The following TMEM144 variants were observed in gnomAD, a reference collection of about 807,000 sequenced individuals.
TMEM144 encodes the protein transmembrane protein 144.
Under a neutral mutation model 43.6 loss-of-function variants are expected in TMEM144, and 39 were observed. The observed-to-expected ratio is 0.90, with a 90% CI of 0.69 to 1.17. The LOEUF (loss-of-function observed/expected upper bound fraction) is 1.17, where lower values mean the gene tolerates loss of function less well. Among genes scored for constraint, TMEM144 ranks in the 50% most tolerant of loss-of-function variants. The pLI is 0.00. For synonymous variants in TMEM144, 154 were observed against 133.6 expected, an observed-to-expected ratio of 1.15 and a Z score of -1.06; for missense variants, 417 against 411.9, an observed-to-expected ratio of 1.01 and a Z score of -0.11.
At position 158,216,112 on chromosome 4, in the gene TMEM144, T is replaced by C. The variant is rs187072233; in HGVS notation, c.232+799T>C. ...ATTCCCACCAGGATTTACATTATTA[T>C]ACCTCACTTATACCTCAGTATGATT... On this transcript the variant is annotated intron_variant, in intron 4 of 12. Coordinates refer to ENST00000296529, the MANE Select transcript of TMEM144 (RefSeq NM_018342.5). Among the ~76,000 whole-genome samples, 613 of 152,346 alleles carry C rather than the reference T, an allele frequency of 4.0e-3. 5 individuals are homozygous for C. The highest frequency in any genetic ancestry group is 0.014 in the African/African-American group (579 of 41,576).
intron 8 of TMEM144, among the ~76,000 whole-genome samples, chr4:158,236,277 T>A (rs1375004703): frequency 9.4e-6 from 1 of 106,310 alleles, no homozygotes; most frequent in Non-Finnish European, 2.6e-5. Context: ...ATAATTTGAA[T>A]GAATGAAAGA....
chr4:158,228,134 G>A (rs1160291335), intron 6 of TMEM144, among the ~76,000 whole-genome samples: 2 of 152,190 alleles, frequency 1.3e-5, no homozygotes, highest in African/African-American at 4.8e-5. Context: ...TCCAAGTCAA[G>A]TCAAAAAGAA....
intron 12 of TMEM144, among the ~76,000 whole-genome samples, chr4:158,245,633 C>G (rs1735854312): frequency 6.6e-6 from 1 of 152,010 alleles, no homozygotes; most frequent in African/African-American, 2.4e-5. Context: ...CTAGCCCAAA[C>G]TGTCGATAGC....
chr4:158,244,657 G>A (rs147540731), intron 12 of TMEM144, among the ~76,000 whole-genome samples: 10 of 152,220 alleles, frequency 6.6e-5, no homozygotes, highest in South Asian at 2.1e-4. Context: ...GCAAAAGAGC[G>A]AGACTCCATC....
At chr4:158,213,118 A>G in intron 3 of TMEM144, 1 of 336,494 alleles carries the variant, frequency 3.0e-6, no homozygotes, top group Non-Finnish European at 5.4e-6. Context: ...CAATGTAAGC[A>G]TAACAGATTT....
chr4:158,244,238 A>G (rs2111147279), intron 11 of TMEM144, 58 bp from the exon 12 acceptor site: 2 of 1,260,676 alleles, frequency 1.6e-6, no homozygotes, highest in East Asian at 5.3e-5. Flanking sequence ...CTATATTTAT[A>G]TAGAATCTAG....
chr4:158,223,117 C>T (rs1344461553), intron 6 of TMEM144, among the ~76,000 whole-genome samples: 1 of 152,220 alleles, frequency 6.6e-6, no homozygotes, highest in Admixed American at 6.5e-5. Context: ...ATTCTTATGA[C>T]TAGCATTAGT....
Position 158,253,638 on chromosome 4 carries a change from C to A in TMEM144, c.*111C>A. The A allele has an allele frequency of 2.4e-6, 2 of 822,468 alleles. No individual in the cohort carries two copies. The highest frequency in any genetic ancestry group is 1.9e-6 in the Non-Finnish European group (1 of 516,880). The allele number at this position is 822,468 out of a possible 1,614,324, so 50.9% of individuals were successfully genotyped here. A position where few individuals can be genotyped will look rare whatever the true frequency, so the allele number is the denominator to read the frequency against. Reference sequence around the variant, plus strand: ...TTTTCATATAGCAAATGGATCTCAGCCACTGTTGGAGTGGGTAAATGATTT... The same window carrying A: ...TTTTCATATAGCAAATGGATCTCAGACACTGTTGGAGTGGGTAAATGATTT... On this transcript the variant is annotated 3_prime_UTR_variant, in exon 13 of 13. Coordinates refer to ENST00000296529, the MANE Select transcript of TMEM144 (RefSeq NM_018342.5).
chr4:158,230,732 TGAG>T (rs1735036986), intron 6 of TMEM144, among the ~76,000 whole-genome samples: 3 of 152,200 alleles, frequency 2.0e-5, no homozygotes. Context: ...TTAAATATCT[TGAG>T]GACCCTGAAG....
In TMEM144 at chr4:158,223,584, C is replaced by T. The variant is rs372074955; in HGVS notation, c.413+4194C>T. On this transcript the variant is annotated intron_variant, in intron 6 of 12. Coordinates refer to ENST00000296529, the MANE Select transcript of TMEM144 (RefSeq NM_018342.5). ...CCTTGCCCACCACCCTCCAACAGGC[C>T]GTGGTGTGTGTTGTTCCCCTCCCTG... 7.9e-4 allele frequency among the ~76,000 whole-genome samples: 120 copies of T among 152,254 alleles called. 1 individual carries two copies. The highest frequency in any genetic ancestry group is 2.6e-3 in the African/African-American group (109 of 41,532).
At chr4:158,221,509 C>T (rs898205035) in intron 6 of TMEM144, among the ~76,000 whole-genome samples, 4 of 152,156 alleles carry the variant, frequency 2.6e-5, no homozygotes, top group Non-Finnish European at 5.9e-5. Flanking sequence ...CACCAAGAAA[C>T]AATATTCAGA....
intron 12 of TMEM144, among the ~76,000 whole-genome samples, chr4:158,250,826 C>G (rs187794175): frequency 5.9e-5 from 9 of 152,160 alleles, no homozygotes; most frequent in African/African-American, 1.4e-4. Flanking sequence ...CCCACTCCCC[C>G]CAACAAGTCA....
intron 6 of TMEM144, among the ~76,000 whole-genome samples, chr4:158,222,449 A>C (rs183481579): frequency 6.6e-6 from 1 of 152,306 alleles, no homozygotes; most frequent in African/African-American, 2.4e-5. Flanking sequence ...CCTTTTCCTC[A>C]GCCTCCTTGG....
intron 6 of TMEM144, among the ~76,000 whole-genome samples, chr4:158,220,867 C>A (rs188544180): frequency 6.6e-6 from 1 of 152,282 alleles, no homozygotes; most frequent in East Asian, 1.9e-4. Flanking sequence ...AAGAACTCTT[C>A]CCGTAGTGCA....
chr4:158,248,123 T>TAAAAA (rs753919532), intron 12 of TMEM144, among the ~76,000 whole-genome samples: 9 of 99,628 alleles, frequency 9.0e-5, no homozygotes, highest in African/African-American at 2.9e-4. Context: ...AGCAAAGAAT[T>TAAAAA]AAAAAAAAAA....
chr4:158,251,620 C>T (rs1340588395), intron 12 of TMEM144, among the ~76,000 whole-genome samples: 1 of 152,222 alleles, frequency 6.6e-6, no homozygotes, highest in Non-Finnish European at 1.5e-5. Context: ...CCCTAGGTTT[C>T]ACCTAGGACC....
At position 158,248,900 on chromosome 4, in the gene TMEM144, ACT is replaced by A. The variant is rs1238575430; in HGVS notation, c.955-4541_955-4540del. On this transcript the variant is annotated intron_variant, in intron 12 of 12. Transcript: ENST00000296529. ...AGTTGGATGTTTTCATACTTCTGAT[ACT>A]CTTTTTTGTTTGTTTGTTTTTTGAG... 2.6e-5 allele frequency among the ~76,000 whole-genome samples: 4 copies of A among 152,044 alleles called. No homozygotes were observed. The East Asian group carries it at 5.8e-4, about 22-fold the overall frequency.
At chr4:158,216,034 T>C (rs1218539538) in intron 4 of TMEM144, among the ~76,000 whole-genome samples, 1 of 152,020 alleles carries the variant, frequency 6.6e-6, no homozygotes, top group Non-Finnish European at 1.5e-5. Flanking sequence ...CTCTGAGGAG[T>C]TAAATGATTT....
chr4:158,233,414 A>G (rs187064265), intron 7 of TMEM144: 1 of 152,530 alleles, frequency 6.6e-6, no homozygotes, highest in African/African-American at 2.4e-5. Context: ...CTGGTATCCC[A>G]TTCTACCCGA....
Sources: gnomAD v4.1 joint callset for allele counts (sites outside exome capture counted in the v4.1 genomes callset) on GRCh38, gnomAD v4.1.1 for gene constraint, MANE v1.5 for transcripts, NCBI Gene and HGNC (gene_info 2026-07-23, HGNC 2026-07-21) for gene names.